NOX4: variants seen among roughly 807,000 people sequenced by gnomAD.
NOX4 encodes the protein NADPH oxidase 4.
NOX4 carries 69 observed loss-of-function variants against 87.6 expected under a neutral mutation model. That is an observed-to-expected ratio of 0.79 (90% CI 0.65 to 0.96). NOX4 has a LOEUF of 0.96. Among genes scored for constraint, NOX4 ranks in the 40% least tolerant of loss-of-function variants. The pLI is 0.00. For missense variants in NOX4, 680 were observed against 681.5 expected, an observed-to-expected ratio of 1.00 and a Z score of 0.02; for synonymous variants, 275 against 238.2, an observed-to-expected ratio of 1.15 and a Z score of -1.42.
At chr11:89,529,904 C>T in the NOX4 span, among the ~76,000 whole-genome samples, 1 of 152,082 alleles carries the variant, frequency 6.6e-6, no homozygotes. Flanking sequence ...TAATGGCTCC[C>T]ATTTCACTCA....
chr11:89,422,441 T>C (rs191208634), intron 7 of NOX4, among the ~76,000 whole-genome samples: 6 of 152,322 alleles, frequency 3.9e-5, no homozygotes, highest in Admixed American at 3.3e-4. Context: ...CAAAGTGTTA[T>C]ATTTTTTCCT....
chr11:89,457,911 A>T (rs1335468771), intron 2 of NOX4, among the ~76,000 whole-genome samples: 2 of 152,136 alleles, frequency 1.3e-5, no homozygotes, highest in Admixed American at 1.3e-4. Context: ...CAGAAATAAC[A>T]CAAACAAATG....
At chr11:89,394,105 ACTT>A (rs932749018) in intron 11 of NOX4, among the ~76,000 whole-genome samples, 17 of 152,108 alleles carry the variant, frequency 1.1e-4, no homozygotes, top group African/African-American at 3.6e-4. Flanking sequence ...TCTACACACT[ACTT>A]CTTTTGTGTT....
At chr11:89,567,299 G>A in the NOX4 span, among the ~76,000 whole-genome samples, 6 of 152,098 alleles carry the variant, frequency 3.9e-5, no homozygotes, top group African/African-American at 9.7e-5. Context: ...AGACAGGCCC[G>A]GATGACATGC....
chr11:89,327,857 G>GAGT (rs1413460063), intron 17 of NOX4, among the ~76,000 whole-genome samples: 1 of 151,472 alleles, frequency 6.6e-6, no homozygotes, highest in Non-Finnish European at 1.5e-5. Context: ...GGGTAATAGG[G>GAGT]AGTAGATCTA....
intron 11 of NOX4, among the ~76,000 whole-genome samples, chr11:89,392,983 C>T (rs1195231688): frequency 2.0e-5 from 3 of 152,168 alleles, no homozygotes; most frequent in Non-Finnish European, 4.4e-5. Flanking sequence ...TCCCATCCCT[C>T]AAATTCTCTA....
chr11:89,490,713 C>A (rs1055201184), intron 1 of NOX4, 160 bp from the exon 2 acceptor site: 2 of 710,154 alleles, frequency 2.8e-6, no homozygotes, highest in Non-Finnish European at 5.1e-6. Context: ...CTGAAAACCA[C>A]TCAGAGGAAA....
the NOX4 span, among the ~76,000 whole-genome samples, chr11:89,588,772 A>G: frequency 6.6e-6 from 1 of 152,166 alleles, no homozygotes; most frequent in African/African-American, 2.4e-5. Context: ...CAACAGTCTG[A>G]ATGAACTGAA....
the NOX4 span, among the ~76,000 whole-genome samples, chr11:89,510,791 T>A: frequency 6.6e-6 from 1 of 152,086 alleles, no homozygotes. Context: ...TTGAGAAATA[T>A]CGGTTTGGAT....
the NOX4 span, among the ~76,000 whole-genome samples, chr11:89,568,768 A>T: frequency 3.9e-5 from 6 of 152,178 alleles, no homozygotes; most frequent in African/African-American, 1.4e-4. Flanking sequence ...ATCACACTCT[A>T]CTACAAGGCA....
the NOX4 span, among the ~76,000 whole-genome samples, chr11:89,531,388 CA>C: frequency 6.6e-6 from 1 of 152,178 alleles, no homozygotes; most frequent in African/African-American, 2.4e-5. Context: ...AATTAGTCAA[CA>C]TTAAGACACA....
chr11:89,523,328 C>A, the NOX4 span, among the ~76,000 whole-genome samples: 1 of 152,062 alleles, frequency 6.6e-6, no homozygotes, highest in Non-Finnish European at 1.5e-5. Flanking sequence ...GGCTGGAAAG[C>A]ACAGAACTCT....
At chr11:89,577,873 C>T in the NOX4 span, among the ~76,000 whole-genome samples, 1 of 152,106 alleles carries the variant, frequency 6.6e-6, no homozygotes, top group Admixed American at 6.5e-5. Flanking sequence ...AAAGATTTTA[C>T]AATACTCTGA....
chr11:89,520,651 C>A, the NOX4 span, among the ~76,000 whole-genome samples: 1 of 152,096 alleles, frequency 6.6e-6, no homozygotes, highest in Non-Finnish European at 1.5e-5. Context: ...TACAAGGATT[C>A]CCACTCTTAC....
chr11:89,332,170 G>A (rs1590941016), intron 17 of NOX4, among the ~76,000 whole-genome samples: 2 of 150,202 alleles, frequency 1.3e-5, no homozygotes, highest in Admixed American at 6.6e-5. Context: ...TAATCACCCC[G>A]GAGAGCTTAT....
At chr11:89,431,033 C>G (rs1468372501) in intron 7 of NOX4, among the ~76,000 whole-genome samples, 3 of 151,980 alleles carry the variant, frequency 2.0e-5, no homozygotes, top group African/African-American at 7.2e-5. Flanking sequence ...CAGAACAGAG[C>G]CCTCAGAAAT....
chr11:89,362,173 G>GACACAGACACAGACACACACACACACAC (rs936644259), intron 12 of NOX4, among the ~76,000 whole-genome samples: 1 of 146,920 alleles, frequency 6.8e-6, no homozygotes, highest in African/African-American at 2.5e-5. Context: ...CACAGACACA[G>GACACAGACACAGACACACACACACACAC]ACACACACAC....
the NOX4 span, among the ~76,000 whole-genome samples, chr11:89,575,147 C>T: frequency 1.3e-5 from 2 of 151,724 alleles, no homozygotes; most frequent in Non-Finnish European, 2.9e-5. Context: ...TGTGCCTTTG[C>T]ACTCCCGACT....
intron 7 of NOX4, among the ~76,000 whole-genome samples, chr11:89,424,336 G>A (rs960129894): frequency 4.7e-5 from 7 of 149,782 alleles, no homozygotes; most frequent in Admixed American, 1.3e-4. Context: ...AAATTTTTCC[G>A]TAATTCTCTT....
Sources: allele counts gnomAD v4.1 joint callset (sites outside exome capture counted in the v4.1 genomes callset), GRCh38; gene constraint gnomAD v4.1.1; transcripts MANE v1.5; gene names NCBI Gene and HGNC (gene_info 2026-07-23, HGNC 2026-07-21).